ELMO1: variants seen among roughly 807,000 people sequenced by gnomAD.
The protein encoded by ELMO1 is engulfment and cell motility protein 1.
A neutral mutation model predicts 98.9 loss-of-function variants in ELMO1; 26 were observed. The observed-to-expected ratio is 0.26, with a 90% CI of 0.19 to 0.36. The LOEUF is 0.36. Ranked by LOEUF, ELMO1 falls within the 10% of genes least tolerant of loss-of-function variation. The pLI, the probability that ELMO1 is intolerant of heterozygous loss-of-function variation, is 1.00. For missense variants in ELMO1, 627 were observed against 935.2 expected, an observed-to-expected ratio of 0.67 and a Z score of 4.30; for synonymous variants, 346 against 346.0, an observed-to-expected ratio of 1.00 and a Z score of 0.00.
intron 16 of ELMO1, among the ~76,000 whole-genome samples, chr7:37,010,457 A>G (rs1215388624): frequency 1.3e-5 from 2 of 152,182 alleles, no homozygotes; most frequent in Non-Finnish European, 2.9e-5. Context: ...AGGTCACCCA[A>G]TGTAATCACA....
intron 1 of ELMO1, among the ~76,000 whole-genome samples, chr7:37,407,281 G>GGGCAGATCACGAGGTC (rs1803811484): frequency 6.6e-6 from 1 of 152,050 alleles, no homozygotes; most frequent in Admixed American, 6.6e-5. Context: ...AGGCCGAGGT[G>GGGCAGATCACGAGGTC]GGCAGATCAC....
intron 13 of ELMO1, among the ~76,000 whole-genome samples, chr7:37,196,922 T>G (rs535883846): frequency 5.9e-5 from 9 of 152,344 alleles, no homozygotes; most frequent in African/African-American, 1.7e-4. Flanking sequence ...CTACTGCTGC[T>G]GGGTGTGGCC....
intron 15 of ELMO1, among the ~76,000 whole-genome samples, chr7:37,092,905 C>T (rs1311878451): frequency 2.0e-5 from 3 of 148,622 alleles, no homozygotes; most frequent in East Asian, 1.9e-4. Context: ...TCTACACTGT[C>T]TTTCTTTTTC....
At chr7:36,880,222 A>C (rs1210307277) in intron 18 of ELMO1, among the ~76,000 whole-genome samples, 1 of 152,234 alleles carries the variant, frequency 6.6e-6, no homozygotes, top group Non-Finnish European at 1.5e-5. Context: ...GTACTTGGAC[A>C]TGCTGGGCTT....
intron 7 of ELMO1, among the ~76,000 whole-genome samples, chr7:37,242,262 T>G (rs1348481077): frequency 1.3e-5 from 2 of 152,226 alleles, no homozygotes; most frequent in African/African-American, 4.8e-5. Context: ...AATTTTCACT[T>G]TATTGTGCTT....
intron 1 of ELMO1, among the ~76,000 whole-genome samples, chr7:37,420,432 A>C (rs777818451): frequency 2.0e-5 from 3 of 152,138 alleles, no homozygotes; most frequent in African/African-American, 4.8e-5. Flanking sequence ...TTTGTACCTG[A>C]TTTTGTGTTA....
intron 15 of ELMO1, among the ~76,000 whole-genome samples, chr7:37,059,079 T>C (rs933940784): frequency 6.6e-6 from 1 of 152,078 alleles, no homozygotes; most frequent in African/African-American, 2.4e-5. Context: ...AGATGAGAGT[T>C]TCATGCTGGA....
chr7:37,125,473 T>A (rs1786439102), intron 14 of ELMO1, among the ~76,000 whole-genome samples: 1 of 152,270 alleles, frequency 6.6e-6, no homozygotes, highest in East Asian at 1.9e-4. Flanking sequence ...ACAAGTGGGC[T>A]AAGGATATGA....
chr7:37,303,055 CATGCCTGCCCCCT>C (rs137993417), intron 4 of ELMO1, among the ~76,000 whole-genome samples: 5,316 of 152,192 alleles, frequency 0.035, 302 homozygotes, highest in African/African-American at 0.12. Flanking sequence ...TGGTCTTTTT[CATGCCTGCCCCCT>C]ATGCCTGCCC....
At chr7:36,901,927 C>T (rs1013519262) in intron 16 of ELMO1, among the ~76,000 whole-genome samples, 6 of 152,126 alleles carry the variant, frequency 3.9e-5, no homozygotes, top group South Asian at 2.1e-4. Context: ...GAATCGGTTC[C>T]GACAGATTAA....
intron 18 of ELMO1, among the ~76,000 whole-genome samples, chr7:36,884,370 A>G (rs1804744588): frequency 6.6e-6 from 1 of 152,138 alleles, no homozygotes; most frequent in African/African-American, 2.4e-5. Context: ...TTAATAGCAA[A>G]CATCATTAAT....
chr7:37,275,950 G>C (rs1025744439), intron 4 of ELMO1, among the ~76,000 whole-genome samples: 1 of 152,156 alleles, frequency 6.6e-6, no homozygotes, highest in Non-Finnish European at 1.5e-5. Context: ...CCTAACTTGG[G>C]ATGTAAACTT....
Position 37,388,675 on chromosome 7 carries a change from C to T in ELMO1, c.-73-45912G>A, listed in dbSNP as rs189260539. On this transcript the variant is annotated intron_variant, in intron 1 of 21. Transcript: ENST00000310758. ...TGCCACCAGCTGGGCATGGCTCATG[C>T]CTATACTCCCAGTGCTTTGGGAGGC... is the stretch of plus-strand genomic sequence containing the variant. Among the ~76,000 whole-genome samples the T allele has an allele frequency of 1.5e-3, 221 of 150,060 alleles. 1 individual carries two copies. Among genetic ancestry groups the T allele is most frequent in the Non-Finnish European group, 1.6e-3 (106 of 67,728 alleles).
At chr7:37,038,784 G>A (rs1795332659) in intron 15 of ELMO1, among the ~76,000 whole-genome samples, 1 of 152,206 alleles carries the variant, frequency 6.6e-6, no homozygotes, top group African/African-American at 2.4e-5. Context: ...TGCAAGCATG[G>A]TTGGGTTCTG....
intron 16 of ELMO1, among the ~76,000 whole-genome samples, chr7:36,938,920 C>T (rs1159488188): frequency 1.3e-5 from 2 of 152,022 alleles, no homozygotes; most frequent in South Asian, 2.1e-4. Flanking sequence ...CCTAAGTACT[C>T]GGGAGGCTGA....
chr7:37,308,137 A>T (rs1798709379), intron 4 of ELMO1, among the ~76,000 whole-genome samples: 1 of 152,148 alleles, frequency 6.6e-6, no homozygotes, highest in African/African-American at 2.4e-5. Flanking sequence ...TTAATTAATT[A>T]AAAAATAAAA....
At position 37,245,055 on chromosome 7, in the gene ELMO1, G is replaced by A. The variant is rs140399991; in HGVS notation, c.414-664C>T. ...AAACCATCTCTCATTCCTCAAGTCT[G>A]CCAAATCTCTCTGGCTTTAAGTATG... is the stretch of plus-strand genomic sequence containing the variant. On this transcript the variant is annotated intron_variant, in intron 6 of 21. Transcript: ENST00000310758. Among the ~76,000 whole-genome samples, 11 of 152,254 alleles carry A rather than the reference G, an allele frequency of 7.2e-5. No homozygotes were observed. The East Asian group carries it at 1.7e-3, about 24-fold the overall frequency.
chr7:37,326,715 C>CT (rs762840281), intron 2 of ELMO1, among the ~76,000 whole-genome samples: 16 of 152,146 alleles, frequency 1.1e-4, no homozygotes, highest in Non-Finnish European at 2.4e-4. Context: ...AAAGTACAGT[C>CT]TTTCTGTCAT....
chr7:37,431,443 CCTA>C (rs1804929790), intron 1 of ELMO1, among the ~76,000 whole-genome samples: 1 of 152,158 alleles, frequency 6.6e-6, no homozygotes. Flanking sequence ...AGATGAGAAG[CCTA>C]CTAAATTTCT....
Sources: allele counts gnomAD v4.1 joint callset (sites outside exome capture counted in the v4.1 genomes callset), GRCh38; gene constraint gnomAD v4.1.1; transcripts MANE v1.5; gene names NCBI Gene and HGNC (gene_info 2026-07-23, HGNC 2026-07-21).